HIPK2: variants seen among roughly 807,000 people sequenced by gnomAD.
HIPK2 encodes homeodomain interacting protein kinase 2.
In HIPK2, 27 loss-of-function variants were observed where a neutral mutation model predicts 113.7. The observed-to-expected ratio is 0.24, with a 90% CI of 0.17 to 0.33. The LOEUF is 0.33. HIPK2 is among the 10% of genes least tolerant of loss of function. HIPK2 has a pLI of 1.00. For missense variants in HIPK2, 1,257 were observed against 1,588.0 expected (o/e 0.79, Z 3.54); for synonymous variants, 631 against 642.2 (o/e 0.98, Z 0.26).
intron 13 of HIPK2, among the ~76,000 whole-genome samples, chr7:139,576,855 G>A (rs1197596430): frequency 1.3e-5 from 2 of 152,220 alleles, no homozygotes; most frequent in Non-Finnish European, 2.9e-5. Context: ...CTGCTGCCGA[G>A]TGGGGGCCAT....
intron 7 of HIPK2, among the ~76,000 whole-genome samples, chr7:139,615,071 G>A (rs1799990044): frequency 6.6e-6 from 1 of 152,214 alleles, no homozygotes; most frequent in Admixed American, 6.5e-5. Context: ...CCTCGGGCCT[G>A]GTGGGTGCAG....
chr7:139,777,780 C>T lies in HIPK2; in HGVS notation c.-157G>A, dbSNP rs1316966253. 1.3e-5 allele frequency: 8 copies of T among 638,680 alleles called. No individual in the cohort carries two copies. The highest frequency in any genetic ancestry group is 1.6e-5 in the Non-Finnish European group (8 of 513,390). 39.6% of individuals were successfully genotyped at this position (638,680 alleles called of 1,614,324 possible). On this transcript the variant is annotated 5_prime_UTR_variant, in exon 1 of 15. Transcript: ENST00000406875. ...GCGCCCGCATCACCGCCTCCCGTGG[C>T]CGGCGCCGGGGGAGGGGGCCGGGCG...
At chr7:139,665,777 C>T (rs1802028676) in intron 2 of HIPK2, among the ~76,000 whole-genome samples, 1 of 152,212 alleles carries the variant, frequency 6.6e-6, no homozygotes, top group Admixed American at 6.5e-5. Context: ...TGCCATCTGC[C>T]TAGCTAATCT....
At chr7:139,691,511 C>T (rs934871898) in intron 2 of HIPK2, among the ~76,000 whole-genome samples, 3 of 152,230 alleles carry the variant, frequency 2.0e-5, no homozygotes, top group Admixed American at 6.5e-5. Flanking sequence ...CTTGGAATCA[C>T]TTACACTCTG....
chr7:139,721,594 C>T (rs771000414), intron 1 of HIPK2, among the ~76,000 whole-genome samples: 8 of 152,182 alleles, frequency 5.3e-5, no homozygotes, highest in Non-Finnish European at 7.3e-5. Context: ...GGCTACTTCC[C>T]GCCTCATTTG....
intron 2 of HIPK2, among the ~76,000 whole-genome samples, chr7:139,642,432 C>A (rs1235340968): frequency 1.3e-5 from 2 of 152,134 alleles, no homozygotes; most frequent in Non-Finnish European, 2.9e-5. Context: ...AGAAGACAGC[C>A]AGAAAGGCAA....
intron 10 of HIPK2, among the ~76,000 whole-genome samples, chr7:139,601,386 A>G (rs1325778040): frequency 6.6e-6 from 1 of 152,232 alleles, no homozygotes; most frequent in African/African-American, 2.4e-5. Flanking sequence ...CATTTTATTA[A>G]AGAAGAAATT....
At chr7:139,575,433 C>A in intron 13 of HIPK2, 145 bp from the exon 14 acceptor site, 1 of 914,596 alleles carries the variant, frequency 1.1e-6, no homozygotes, top group Non-Finnish European at 1.6e-6. Flanking sequence ...CTCCCCCGGA[C>A]CCACTAGGAC....
chr7:139,743,162 C>T (rs559521711), intron 1 of HIPK2, among the ~76,000 whole-genome samples: 8 of 152,114 alleles, frequency 5.3e-5, no homozygotes, highest in South Asian at 2.1e-4. Flanking sequence ...GGGACCCTGC[C>T]GGACCCTGCA....
chr7:139,656,115 C>T (rs982333625), intron 2 of HIPK2, among the ~76,000 whole-genome samples: 2 of 151,858 alleles, frequency 1.3e-5, no homozygotes, highest in African/African-American at 4.9e-5. Context: ...TTCCTTCTCC[C>T]ACTCCCTCAC....
chr7:139,583,015 C>T (rs1244399025), intron 13 of HIPK2, among the ~76,000 whole-genome samples: 1 of 152,236 alleles, frequency 6.6e-6, no homozygotes, highest in Non-Finnish European at 1.5e-5. Context: ...CACATCTAGA[C>T]AAAAGCTTCC....
chr7:139,710,357 C>G (rs73469962), intron 2 of HIPK2, among the ~76,000 whole-genome samples: 2,057 of 152,322 alleles, frequency 0.014, 48 homozygotes, highest in African/African-American at 0.046. Flanking sequence ...TTCCCCATCC[C>G]TATCTCATGT....
chr7:139,742,894 A>G (rs1796127712), intron 1 of HIPK2, among the ~76,000 whole-genome samples: 1 of 152,206 alleles, frequency 6.6e-6, no homozygotes, highest in South Asian at 2.1e-4. Flanking sequence ...CAGAGACTAT[A>G]AACTGTCTTG....
At chr7:139,770,128 GCTGT>G (rs1308244612) in intron 1 of HIPK2, among the ~76,000 whole-genome samples, 1 of 152,196 alleles carries the variant, frequency 6.6e-6, no homozygotes, top group African/African-American at 2.4e-5. Context: ...GGTGTAACTT[GCTGT>G]CTTTCTGTAC....
At chr7:139,764,991 C>A (rs1227816295) in intron 1 of HIPK2, among the ~76,000 whole-genome samples, 2 of 151,760 alleles carry the variant, frequency 1.3e-5, no homozygotes, top group Non-Finnish European at 2.9e-5. Flanking sequence ...CAAAAATTAG[C>A]CGGGCATGGT....
intron 13 of HIPK2, among the ~76,000 whole-genome samples, chr7:139,581,034 A>C (rs1234000986): frequency 2.0e-5 from 3 of 151,884 alleles, no homozygotes; most frequent in Non-Finnish European, 4.4e-5. Flanking sequence ...AGCCTGGCTA[A>C]CGCGGTGAAA....
Position 139,691,665 on chromosome 7 carries a change from G to C in HIPK2, c.1103+24267C>G, listed in dbSNP as rs567655858. 4.6e-5 allele frequency among the ~76,000 whole-genome samples: 7 copies of C among 152,358 alleles called. No homozygotes were observed. In the South Asian group the frequency reaches 1.4e-3, roughly 32 times the overall value. On this transcript the variant is annotated intron_variant, in intron 2 of 14. Transcript: ENST00000406875. ...TGCCCCACAGCAGCAAAACCAGCTG[G>C]GATAAGGAGGTGAGCCTGGTGTGGA...
intron 1 of HIPK2, among the ~76,000 whole-genome samples, chr7:139,738,044 A>G (rs193247890): frequency 4.7e-4 from 71 of 152,360 alleles, no homozygotes; most frequent in Non-Finnish European, 9.3e-4. Flanking sequence ...ATGGAAAGAA[A>G]GGGCATAGGA....
At position 139,569,327 on chromosome 7, in the gene HIPK2, T is replaced by A. The variant is rs939208691; in HGVS notation, c.*3600A>T. The A allele has an allele frequency of 6.6e-6, 1 of 152,174 alleles. No homozygotes were observed. Among genetic ancestry groups the A allele is most frequent in the East Asian group, 1.9e-4 (1 of 5,186 alleles). 9.4% of individuals were successfully genotyped at this position (152,174 alleles called of 1,614,324 possible). A position where few individuals can be genotyped will look rare whatever the true frequency, so the allele number is the denominator to read the frequency against. ...CTGGGAGGGGGCAAATGTCCCTGCA[T>A]TGAAGAACCTAAGCCACGCCCCAGG... On this transcript the variant is annotated 3_prime_UTR_variant, in exon 15 of 15. Coordinates refer to ENST00000406875, the MANE Select transcript of HIPK2 (RefSeq NM_022740.5).
Sources: gnomAD v4.1 joint callset for allele counts (sites outside exome capture counted in the v4.1 genomes callset) on GRCh38, gnomAD v4.1.1 for gene constraint, MANE v1.5 for transcripts, NCBI Gene and HGNC (gene_info 2026-07-23, HGNC 2026-07-21) for gene names.